Variants in FRMPD2 observed in about 807,000 individuals in gnomAD.
FRMPD2 encodes the protein FERM and PDZ domain containing 2.
In FRMPD2, 96 loss-of-function variants were observed where a neutral mutation model predicts 140.1. The ratio of observed to expected loss-of-function variants is 0.69; its 90% confidence interval spans 0.58 to 0.81. FRMPD2 has a LOEUF of 0.81. Ranked by LOEUF, FRMPD2 falls within the 40% of genes least tolerant of loss-of-function variation. The pLI, the probability that FRMPD2 is intolerant of heterozygous loss-of-function variation, is 0.00. For synonymous variants in FRMPD2, 449 were observed against 547.6 expected, an observed-to-expected ratio of 0.82 and a Z score of 2.52; for missense variants, 1,240 against 1,447.4, an observed-to-expected ratio of 0.86 and a Z score of 2.32.
In FRMPD2 at chr10:48,232,113, A is replaced by G; in HGVS notation, c.1168+2T>C. On this transcript the variant is annotated splice_donor_variant, in intron 10 of 28. Coordinates refer to ENST00000374201, the MANE Select transcript of FRMPD2 (RefSeq NM_001018071.4). LOFTEE classifies it high-confidence loss of function. ...GCTGTGAGCTGCCCAAGAGATGCTT[A>G]CTTTTCATATACGCCAAGCCAAAGT... The G allele has an allele frequency of 1.2e-6, 2 of 1,614,166 alleles. No individual in the cohort carries two copies. The highest frequency in any genetic ancestry group is 1.7e-6 in the Non-Finnish European group (2 of 1,180,002).
intron 3 of FRMPD2, among the ~76,000 whole-genome samples, chr10:48,245,902 G>A (rs141997874): frequency 2.6e-5 from 4 of 152,274 alleles, no homozygotes; most frequent in Non-Finnish European, 5.9e-5. Context: ...AGTTATTTGA[G>A]CCCCCCACTT....
At chr10:48,180,605 C>CG (rs1838521861) in intron 21 of FRMPD2, among the ~76,000 whole-genome samples, 198 bp downstream of exon 21, 1 of 151,946 alleles carries the variant, frequency 6.6e-6, no homozygotes. Flanking sequence ...TTCTTCTATG[C>CG]GTTTTTCTCA....
At chr10:48,200,193 T>TAAAAAAAAAAAA (rs879909099) in intron 15 of FRMPD2, among the ~76,000 whole-genome samples, 2 of 139,344 alleles carry the variant, frequency 1.4e-5, no homozygotes, top group Non-Finnish European at 3.1e-5. Context: ...AATAAATAAA[T>TAAAAAAAAAAAA]AAATAAAACA....
At chr10:48,195,359 G>A (rs1000428272) in intron 15 of FRMPD2, among the ~76,000 whole-genome samples, 1 of 152,212 alleles carries the variant, frequency 6.6e-6, no homozygotes, top group African/African-American at 2.4e-5. Flanking sequence ...TAACTATAAA[G>A]TAATATGCTT....
chr10:48,181,576 G>C (rs1838548233), intron 20 of FRMPD2, among the ~76,000 whole-genome samples: 1 of 151,996 alleles, frequency 6.6e-6, no homozygotes, highest in Non-Finnish European at 1.5e-5. Context: ...AGGCCCCTGT[G>C]AGTGAAAGCT....
chr10:48,186,060 C>G (rs1335331155), intron 17 of FRMPD2, among the ~76,000 whole-genome samples: 1 of 152,198 alleles, frequency 6.6e-6, no homozygotes, highest in Non-Finnish European at 1.5e-5. Context: ...GTAAAGCCTT[C>G]CCATCCCAGG....
chr10:48,249,999 G>A (rs1451587106), intron 2 of FRMPD2, among the ~76,000 whole-genome samples: 1 of 152,194 alleles, frequency 6.6e-6, no homozygotes, highest in Non-Finnish European at 1.5e-5. Context: ...GTTGGGCTCT[G>A]TACAGAACAC....
At chr10:48,220,745 A>T (rs1161778137) in intron 12 of FRMPD2, among the ~76,000 whole-genome samples, 1 of 152,220 alleles carries the variant, frequency 6.6e-6, no homozygotes. Context: ...TCAGCAAGAA[A>T]AAAGCAAACG....
intron 16 of FRMPD2, among the ~76,000 whole-genome samples, chr10:48,191,496 G>A (rs1376397186): frequency 3.3e-5 from 5 of 152,178 alleles, no homozygotes; most frequent in African/African-American, 7.2e-5. Context: ...ATAGATGCTC[G>A]AAACCGTTTT....
chr10:48,231,658 G>GTCA (rs763014064), intron 10 of FRMPD2, among the ~76,000 whole-genome samples: 17 of 152,150 alleles, frequency 1.1e-4, no homozygotes, highest in Non-Finnish European at 2.4e-4. Context: ...TCTCTCCACT[G>GTCA]TCATTTTAGG....
chr10:48,215,622 G>A (rs1839428173), intron 12 of FRMPD2, among the ~76,000 whole-genome samples: 1 of 152,198 alleles, frequency 6.6e-6, no homozygotes, highest in African/African-American at 2.4e-5. Context: ...ACGTGAGAAA[G>A]GAAAAAGGTC....
At chr10:48,258,878 A>G (rs1250510533) in intron 1 of FRMPD2, among the ~76,000 whole-genome samples, 1 of 152,370 alleles carries the variant, frequency 6.6e-6, no homozygotes, top group East Asian at 1.9e-4. Context: ...TAACTATTTT[A>G]TAAAAATTAT....
At chr10:48,228,990 A>G (rs947968647) in intron 10 of FRMPD2, among the ~76,000 whole-genome samples, 3 of 152,022 alleles carry the variant, frequency 2.0e-5, no homozygotes, top group African/African-American at 4.8e-5. Context: ...AATTAGAAGA[A>G]AAGTATTTAT....
At chr10:48,192,221 A>G (rs1838845541) in intron 16 of FRMPD2, among the ~76,000 whole-genome samples, 1 of 152,146 alleles carries the variant, frequency 6.6e-6, no homozygotes. Flanking sequence ...CCTTCTGTAA[A>G]TCTCTGTGGA....
intron 3 of FRMPD2, among the ~76,000 whole-genome samples, chr10:48,248,289 T>G (rs432971): frequency 0.044 from 6,625 of 152,288 alleles, 492 homozygotes; most frequent in African/African-American, 0.15. Context: ...TGATGTTTAC[T>G]GGAAACTTCT....
At chr10:48,226,357 C>T (rs1039505619) in intron 10 of FRMPD2, among the ~76,000 whole-genome samples, 6 of 152,142 alleles carry the variant, frequency 3.9e-5, no homozygotes, top group African/African-American at 7.2e-5. Flanking sequence ...TTCCTCTAGC[C>T]GAACTCCTCT....
At chr10:48,180,464 G>T (rs1335789724) in intron 21 of FRMPD2, among the ~76,000 whole-genome samples, 1 of 152,184 alleles carries the variant, frequency 6.6e-6, no homozygotes, top group Non-Finnish European at 1.5e-5. Flanking sequence ...GTGCCTGGTT[G>T]CCCACGCCTT....
chr10:48,187,927 T>C (rs867854881), intron 16 of FRMPD2, among the ~76,000 whole-genome samples: 8 of 152,164 alleles, frequency 5.3e-5, no homozygotes, highest in African/African-American at 1.7e-4. Context: ...TGCTAGTAAA[T>C]AATGTACTAG....
At chr10:48,217,235 C>T (rs376511390) in intron 12 of FRMPD2, among the ~76,000 whole-genome samples, 4 of 152,188 alleles carry the variant, frequency 2.6e-5, no homozygotes, top group Admixed American at 6.5e-5. Context: ...AAACTCCCTG[C>T]GCTTCAAGTA....
Sources: allele counts gnomAD v4.1 joint callset (sites outside exome capture counted in the v4.1 genomes callset), GRCh38; gene constraint gnomAD v4.1.1; transcripts MANE v1.5; gene names NCBI Gene and HGNC (gene_info 2026-07-23, HGNC 2026-07-21).